The following DSE variants were observed in gnomAD, a reference collection of about 807,000 sequenced individuals.
The protein encoded by DSE is dermatan sulfate epimerase.
A neutral mutation model predicts 84.4 loss-of-function variants in DSE; 36 were observed. That is an observed-to-expected ratio of 0.43 (90% CI 0.33 to 0.56). The LOEUF (loss-of-function observed/expected upper bound fraction) is 0.56. Ranked by LOEUF, DSE falls within the 20% of genes least tolerant of loss-of-function variation. The probability of loss-of-function intolerance (pLI) is 0.06; values close to 1 mark genes in which losing one functional copy is unlikely to be tolerated. For synonymous variants in DSE, 410 were observed against 430.1 expected (o/e 0.95, Z 0.58); for missense variants, 862 against 1,169.6 (o/e 0.74, Z 3.84).
At chr6:116,283,129 C>T (rs1167940810) in intron 2 of DSE, among the ~76,000 whole-genome samples, 1 of 152,090 alleles carries the variant, frequency 6.6e-6, no homozygotes, top group Non-Finnish European at 1.5e-5. Context: ...CTAAGACTTA[C>T]CAAAAACCTG....
intron 2 of DSE, chr6:116,278,909 C>T: frequency 6.2e-7 from 1 of 1,614,128 alleles, no homozygotes; most frequent in Non-Finnish European, 8.5e-7. Flanking sequence ...TCCTTCACCT[C>T]TAAATTGGTT....
At chr6:116,264,282 G>A (rs1324907451) in intron 2 of DSE, among the ~76,000 whole-genome samples, 1 of 152,044 alleles carries the variant, frequency 6.6e-6, no homozygotes, top group Non-Finnish European at 1.5e-5. Context: ...CAGAGGTTTT[G>A]CTCATTCCTT....
At chr6:116,409,572 C>A (rs1354750417) in intron 2 of DSE, among the ~76,000 whole-genome samples, 3 of 152,194 alleles carry the variant, frequency 2.0e-5, no homozygotes, top group Admixed American at 2.0e-4. Flanking sequence ...AGCCAACACG[C>A]CCGGCCAATA....
At chr6:116,337,841 T>G (rs1583042559) in intron 2 of DSE, among the ~76,000 whole-genome samples, 1 of 152,334 alleles carries the variant, frequency 6.6e-6, no homozygotes, top group Admixed American at 6.5e-5. Flanking sequence ...ATGTGTAATT[T>G]TGTTTTTAAA....
At chr6:116,430,708 A>T (rs1030802592) in intron 3 of DSE, among the ~76,000 whole-genome samples, 1 of 152,130 alleles carries the variant, frequency 6.6e-6, no homozygotes, top group Non-Finnish European at 1.5e-5. Flanking sequence ...CACCCGGCTA[A>T]TTTTTTGTAA....
At chr6:116,260,688 C>T (rs1772377288) in intron 2 of DSE, among the ~76,000 whole-genome samples, 1 of 152,088 alleles carries the variant, frequency 6.6e-6, no homozygotes, top group Non-Finnish European at 1.5e-5. Context: ...TCCAGTTTCA[C>T]TCTTTTGCAT....
intron 2 of DSE, among the ~76,000 whole-genome samples, chr6:116,326,438 T>C (rs1181627491): frequency 6.6e-6 from 1 of 152,242 alleles, no homozygotes; most frequent in Non-Finnish European, 1.5e-5. Context: ...GTGATATTTG[T>C]GCCAGTTCAC....
chr6:116,385,034 A>T (rs1780493314), intron 1 of DSE, among the ~76,000 whole-genome samples: 1 of 152,128 alleles, frequency 6.6e-6, no homozygotes. Context: ...TTTAAAGGGG[A>T]TGAGGGAGCA....
intron 2 of DSE, among the ~76,000 whole-genome samples, chr6:116,345,621 G>T (rs1777908438): frequency 6.6e-6 from 1 of 152,126 alleles, no homozygotes; most frequent in Non-Finnish European, 1.5e-5. Flanking sequence ...TTAAAGCAGT[G>T]TGTAGAGGGA....
intron 2 of DSE, among the ~76,000 whole-genome samples, chr6:116,356,442 T>C (rs940969293): frequency 6.6e-6 from 1 of 152,216 alleles, no homozygotes; most frequent in East Asian, 1.9e-4. Flanking sequence ...GGGGGTTACA[T>C]AAAAGTATTA....
rs889253167 is a variant in DSE at position 116,259,358 on chromosome 6, G to C, written c.-54+391G>C. Reference sequence around the variant, plus strand: ...AAACTACTGATGCAACTCGATATAGGTGTATGGTACTAGAGACATAAGCAG... The same window carrying C: ...AAACTACTGATGCAACTCGATATAGCTGTATGGTACTAGAGACATAAGCAG... On this transcript the variant is annotated intron_variant, in intron 2 of 3. Coordinates refer to the DSE transcript ENST00000430252. 14 of 404,928 alleles carry C rather than the reference G, an allele frequency of 3.5e-5. 1 individual carries two copies. The South Asian group carries it at 3.8e-4, about 11-fold the overall frequency. 25.1% of individuals were successfully genotyped at this position (404,928 alleles called of 1,614,324 possible). A position where few individuals can be genotyped will look rare whatever the true frequency, so the allele number is the denominator to read the frequency against.
At chr6:116,363,507 GA>G (rs900773017) in intron 2 of DSE, among the ~76,000 whole-genome samples, 25 of 152,034 alleles carry the variant, frequency 1.6e-4, no homozygotes, top group Admixed American at 2.6e-4. Flanking sequence ...AGGAAATTCA[GA>G]AAATTGATTC....
intron 2 of DSE, among the ~76,000 whole-genome samples, chr6:116,327,544 A>G (rs1033436523): frequency 6.6e-6 from 1 of 152,210 alleles, no homozygotes; most frequent in Admixed American, 6.5e-5. Context: ...TCTTGGGCAA[A>G]TGATATGCTG....
At chr6:116,307,836 G>A (rs1430826885) in intron 2 of DSE, among the ~76,000 whole-genome samples, 1 of 152,206 alleles carries the variant, frequency 6.6e-6, no homozygotes, top group African/African-American at 2.4e-5. Context: ...AAATTGGAGG[G>A]TCATGTAAAT....
chr6:116,373,070 AAG>A (rs1554219329), intron 1 of DSE, among the ~76,000 whole-genome samples: 3 of 150,654 alleles, frequency 2.0e-5, no homozygotes, highest in Non-Finnish European at 3.0e-5. Flanking sequence ...AAAAAAAAAA[AAG>A]GGCTGGGTGC....
At chr6:116,291,620 G>T (rs113450105) in intron 2 of DSE, among the ~76,000 whole-genome samples, 43 of 151,438 alleles carry the variant, frequency 2.8e-4, no homozygotes, top group African/African-American at 1.0e-3. Flanking sequence ...TAATCCTATG[G>T]GTATTAGAGG....
intron 2 of DSE, chr6:116,400,369 C>T (rs567800409): frequency 1.3e-5 from 2 of 152,240 alleles, no homozygotes; most frequent in Admixed American, 6.5e-5. Flanking sequence ...TGTTTTTACT[C>T]ATGCAATTTT....
intron 2 of DSE, among the ~76,000 whole-genome samples, chr6:116,353,182 T>C (rs1778404748): frequency 6.6e-6 from 1 of 152,176 alleles, no homozygotes; most frequent in Non-Finnish European, 1.5e-5. Context: ...TCTGTGTGTG[T>C]ATAAACACTG....
At position 116,433,644 on chromosome 6, in the gene DSE, A is replaced by G. The variant is rs1783978643; in HGVS notation, c.1118+94A>G. 4 of 1,323,000 alleles carry G rather than the reference A, an allele frequency of 3.0e-6. No homozygotes were observed. In the Admixed American group the frequency reaches 7.2e-5, roughly 24 times the overall value. The allele number at this position is 1,323,000 out of a possible 1,614,324, so 82.0% of individuals were successfully genotyped here. ...TTTTTTGCATTTAAAAAGAAAAACT[A>G]AAACACTTTTTAAATCTTTTCTCCA... On this transcript the variant is annotated intron_variant, in intron 5 of 5. Transcript: ENST00000644252.
Sources: allele counts gnomAD v4.1 joint callset (sites outside exome capture counted in the v4.1 genomes callset), GRCh38; gene constraint gnomAD v4.1.1; transcripts MANE v1.5; gene names NCBI Gene and HGNC (gene_info 2026-07-23, HGNC 2026-07-21).